The following KCNH8 variants were observed in gnomAD, a reference collection of about 807,000 sequenced individuals.
The protein encoded by KCNH8 is potassium voltage-gated channel subfamily H member 8.
Under a neutral mutation model 103.6 loss-of-function variants are expected in KCNH8, and 70 were observed. That is an observed-to-expected ratio of 0.68 (90% CI 0.56 to 0.82). The LOEUF is 0.82. Among genes scored for constraint, KCNH8 ranks in the 40% least tolerant of loss-of-function variants. KCNH8 has a pLI of 0.00. For synonymous variants in KCNH8, 498 were observed against 489.4 expected (o/e 1.02, Z -0.23); for missense variants, 1,217 against 1,329.9 (o/e 0.92, Z 1.32).
chr3:19,487,966 C>T (rs987275227), intron 11 of KCNH8, among the ~76,000 whole-genome samples: 4 of 152,164 alleles, frequency 2.6e-5, no homozygotes, highest in Non-Finnish European at 4.4e-5. Flanking sequence ...AGGGGGTGAC[C>T]GGGGTGGTCA....
intron 1 of KCNH8, among the ~76,000 whole-genome samples, chr3:19,193,520 T>C (rs576210633): frequency 1.3e-5 from 2 of 151,846 alleles, no homozygotes; most frequent in African/African-American, 4.8e-5. Flanking sequence ...GATTTTTACC[T>C]CATATCTTGA....
chr3:19,477,910 A>T (rs899171900), intron 11 of KCNH8, among the ~76,000 whole-genome samples: 1 of 151,784 alleles, frequency 6.6e-6, no homozygotes, highest in African/African-American at 2.4e-5. Flanking sequence ...TAATTTTTCA[A>T]CCCTGACCCC....
intron 5 of KCNH8, among the ~76,000 whole-genome samples, chr3:19,369,338 A>G (rs568200452): frequency 6.6e-6 from 1 of 151,606 alleles, no homozygotes; most frequent in African/African-American, 2.4e-5. Flanking sequence ...ACTGTCTACT[A>G]CTGTGTTCTC....
intron 8 of KCNH8, among the ~76,000 whole-genome samples, chr3:19,439,547 T>A (rs571879105): frequency 1.8e-4 from 28 of 152,260 alleles, no homozygotes; most frequent in African/African-American, 6.5e-4. Flanking sequence ...GCTATCACCC[T>A]CCTTTATTGC....
chr3:19,531,602 G>T (rs969508142), intron 15 of KCNH8, among the ~76,000 whole-genome samples: 5 of 152,104 alleles, frequency 3.3e-5, no homozygotes, highest in African/African-American at 1.2e-4. Flanking sequence ...GTTACCAGTT[G>T]GTTGCCCAAA....
intron 1 of KCNH8, among the ~76,000 whole-genome samples, chr3:19,202,613 T>G (rs2063674647): frequency 6.6e-6 from 1 of 152,126 alleles, no homozygotes; most frequent in Non-Finnish European, 1.5e-5. Context: ...GAAATTATGC[T>G]TTTGGTATGG....
chr3:19,274,905 C>T (rs963765631), intron 2 of KCNH8, among the ~76,000 whole-genome samples: 1 of 127,988 alleles, frequency 7.8e-6, no homozygotes, highest in Non-Finnish European at 1.6e-5. Flanking sequence ...CCTTCCCTCT[C>T]TCTCTCTCTC....
At chr3:19,302,929 C>T (rs889139869) in intron 3 of KCNH8, among the ~76,000 whole-genome samples, 1 of 152,150 alleles carries the variant, frequency 6.6e-6, no homozygotes, top group Non-Finnish European at 1.5e-5. Flanking sequence ...TCATTCAAGT[C>T]ACAAGCCACT....
chr3:19,302,403 G>A (rs1056960160), intron 3 of KCNH8, among the ~76,000 whole-genome samples: 1 of 151,970 alleles, frequency 6.6e-6, no homozygotes, highest in African/African-American at 2.4e-5. Flanking sequence ...GTAAATTTTA[G>A]TAAATTTTAA....
chr3:19,424,664 C>T (rs1257569647), intron 7 of KCNH8, among the ~76,000 whole-genome samples: 2 of 151,848 alleles, frequency 1.3e-5, no homozygotes, highest in African/African-American at 2.4e-5. Flanking sequence ...AACCGATGAC[C>T]CACAGAGTGA....
At chr3:19,532,980 G>A (rs76979144) in intron 15 of KCNH8, among the ~76,000 whole-genome samples, 13,687 of 151,998 alleles carry the variant, frequency 0.09, 932 homozygotes, top group East Asian at 0.26. Flanking sequence ...CGAGGAGGGC[G>A]GATCACGAGG....
intron 1 of KCNH8, among the ~76,000 whole-genome samples, chr3:19,251,468 T>G (rs1030443869): frequency 2.6e-5 from 4 of 152,044 alleles, no homozygotes; most frequent in Admixed American, 6.6e-5. Context: ...TTACACTTGG[T>G]ACTCTGGGGT....
chr3:19,419,341 A>G (rs1205343412), intron 7 of KCNH8, among the ~76,000 whole-genome samples: 3 of 151,398 alleles, frequency 2.0e-5, no homozygotes, highest in African/African-American at 7.3e-5. Context: ...CTGGGACTAC[A>G]GGCGCCCGCC....
chr3:19,329,645 A>T (rs1437771687), intron 3 of KCNH8, among the ~76,000 whole-genome samples: 4 of 152,192 alleles, frequency 2.6e-5, no homozygotes, highest in Non-Finnish European at 5.9e-5. Flanking sequence ...TCCGATCTAC[A>T]ACTGGAAGAT....
At chr3:19,186,848 A>G (rs1351949689) in intron 1 of KCNH8, among the ~76,000 whole-genome samples, 1 of 151,986 alleles carries the variant, frequency 6.6e-6, no homozygotes. Flanking sequence ...TTCAATGGAG[A>G]CACCCAGTAA....
intron 11 of KCNH8, among the ~76,000 whole-genome samples, chr3:19,502,716 C>T (rs1282442097): frequency 1.3e-5 from 2 of 150,738 alleles, no homozygotes; most frequent in African/African-American, 4.9e-5. Flanking sequence ...GGAAAACTGG[C>T]TAGCCATATG....
chr3:19,331,273 A>C (rs1036163510), intron 3 of KCNH8, among the ~76,000 whole-genome samples: 1 of 140,128 alleles, frequency 7.1e-6, no homozygotes, highest in Non-Finnish European at 1.6e-5. Context: ...TTATTTATTT[A>C]TTTATTTATT....
chr3:19,507,445 A>G (rs1285913852), intron 11 of KCNH8, among the ~76,000 whole-genome samples: 1 of 152,092 alleles, frequency 6.6e-6, no homozygotes, highest in Non-Finnish European at 1.5e-5. Flanking sequence ...GAGGGTCTGG[A>G]TTCCTCTCCT....
chr3:19,464,342 A>G (rs2067693129), intron 11 of KCNH8, among the ~76,000 whole-genome samples: 1 of 152,146 alleles, frequency 6.6e-6, no homozygotes, highest in African/African-American at 2.4e-5. Flanking sequence ...ATGGAAGAAA[A>G]TAAACCGTGG....
Sources: allele counts gnomAD v4.1 joint callset (sites outside exome capture counted in the v4.1 genomes callset), GRCh38; gene constraint gnomAD v4.1.1; transcripts MANE v1.5; gene names NCBI Gene and HGNC (gene_info 2026-07-23, HGNC 2026-07-21).